The following VWF variants were observed in gnomAD, a reference collection of about 807,000 sequenced individuals.
VWF encodes Factor VIII related antigen.
Under a neutral mutation model 308.6 loss-of-function variants are expected in VWF, and 176 were observed. The observed-to-expected ratio is 0.57, with a 90% CI of 0.50 to 0.65. VWF has a LOEUF of 0.65. Ranked by LOEUF, VWF falls within the 30% of genes least tolerant of loss-of-function variation. The pLI, the probability that VWF is intolerant of heterozygous loss-of-function variation, is 0.00. For missense variants in VWF, 3,146 were observed against 3,648.2 expected (o/e 0.86, Z 3.55); for synonymous variants, 1,385 against 1,443.4 (o/e 0.96, Z 0.92).
intron 14 of VWF, among the ~76,000 whole-genome samples, chr12:6,057,546 C>T (rs992701870): frequency 2.7e-5 from 4 of 146,018 alleles, no homozygotes; most frequent in African/African-American, 1.0e-4. Context: ...AATGGGGGCT[C>T]CCTACGTTGC....
chr12:6,016,020 C>G, intron 31 of VWF, 69 bp downstream of exon 31: 1 of 1,601,282 alleles, frequency 6.2e-7, no homozygotes, highest in Non-Finnish European at 8.6e-7. Flanking sequence ...AACCCCAGCC[C>G]ACTTTTAATC....
intron 16 of VWF, among the ~76,000 whole-genome samples, chr12:6,051,959 A>G (rs1338007794): frequency 6.6e-6 from 1 of 152,214 alleles, no homozygotes; most frequent in Admixed American, 6.5e-5. Context: ...AAGACAGAAC[A>G]GGTGACAGGT....
At chr12:6,049,796 G>A (rs748248481) in intron 16 of VWF, among the ~76,000 whole-genome samples, 1 of 152,252 alleles carries the variant, frequency 6.6e-6, no homozygotes, top group African/African-American at 2.4e-5. Context: ...CAGCAGTCCT[G>A]CAGAGGAGGT....
chr12:6,012,248 G>A, intron 32 of VWF, 118 bp from the exon 33 acceptor site: 1 of 1,114,602 alleles, frequency 9.0e-7, no homozygotes, highest in East Asian at 2.3e-5. Context: ...ACTCTGAAAA[G>A]AATCTGAACA....
At chr12:6,031,419 A>G (rs887545715) in intron 21 of VWF, 25 bp downstream of exon 21, 1 of 1,614,126 alleles carries the variant, frequency 6.2e-7, no homozygotes, top group Non-Finnish European at 8.5e-7. Flanking sequence ...GCGGGACATG[A>G]GGGTGGAGAT....
chr12:5,976,014 T>TC, intron 43 of VWF, 97 bp downstream of exon 43: 1 of 1,178,424 alleles, frequency 8.5e-7, no homozygotes, highest in Non-Finnish European at 1.2e-6. Context: ...AGTCTCCATT[T>TC]CAAAAAAAAA....
intron 6 of VWF, among the ~76,000 whole-genome samples, chr12:6,087,507 C>T (rs1407152792): frequency 1.4e-5 from 2 of 146,686 alleles, no homozygotes; most frequent in Admixed American, 6.8e-5. Flanking sequence ...TACAGGCGCC[C>T]GCCACCACGC....
intron 31 of VWF, among the ~76,000 whole-genome samples, chr12:6,015,856 A>T (rs1343706088): frequency 6.6e-6 from 1 of 152,228 alleles, no homozygotes. Context: ...GGAGAAATTA[A>T]AGATTATAAT....
At chr12:6,108,137 T>C (rs1945263703) in intron 5 of VWF, among the ~76,000 whole-genome samples, 1 of 151,294 alleles carries the variant, frequency 6.6e-6, no homozygotes. Flanking sequence ...CTACTAAAAA[T>C]ACAAAAATTA....
chr12:6,078,374 T>G (rs559791151), intron 6 of VWF, among the ~76,000 whole-genome samples: 2 of 152,318 alleles, frequency 1.3e-5, no homozygotes, highest in East Asian at 3.9e-4. Context: ...CCATCCTCAC[T>G]GCCAAGTTGG....
At chr12:5,958,888 C>T (rs1280905520) in intron 47 of VWF, among the ~76,000 whole-genome samples, 1 of 152,078 alleles carries the variant, frequency 6.6e-6, no homozygotes, top group Non-Finnish European at 1.5e-5. Flanking sequence ...TTAGATAGGA[C>T]TAGAGACAGC....
intron 6 of VWF, among the ~76,000 whole-genome samples, chr12:6,091,282 TG>T (rs1366671292): frequency 1.8e-5 from 1 of 54,076 alleles, no homozygotes; most frequent in Non-Finnish European, 3.7e-5. Context: ...GTTACCGTGA[TG>T]GGGGGTGGGT....
At chr12:6,079,072 C>A (rs1011208896) in intron 6 of VWF, among the ~76,000 whole-genome samples, 4 of 152,170 alleles carry the variant, frequency 2.6e-5, no homozygotes, top group Admixed American at 6.5e-5. Context: ...TTAGCAGAAA[C>A]AAAAGATAAA....
intron 26 of VWF, 27 bp from the exon 27 acceptor site, chr12:6,022,062 C>A (rs775909484): frequency 6.2e-7 from 1 of 1,613,684 alleles, no homozygotes. Context: ...TCATTAGGAA[C>A]CAAAACGCTC....
In VWF at chr12:6,058,145, G is replaced by A. The variant is rs541362212; in HGVS notation, c.1534-101C>T. ...TTTAATAAAAAAAAAAAAGTTCCCC[G>A]GGTGAAACATAAATATGAATGTAAT... is the stretch of plus-strand genomic sequence containing the variant. On this transcript the variant is annotated intron_variant, in intron 13 of 51. Transcript: ENST00000261405. The surrounding 1 kb of genome is among the most constrained non-coding windows in gnomAD (Gnocchi z 4.9). 1.6e-6 allele frequency: 2 copies of A among 1,289,424 alleles called. No homozygotes were observed. Among genetic ancestry groups the A allele is most frequent in the Admixed American group, 2.3e-5 (1 of 42,704 alleles). 79.9% of individuals were successfully genotyped at this position (1,289,424 alleles called of 1,614,324 possible). A position where few individuals can be genotyped will look rare whatever the true frequency, so the allele number is the denominator to read the frequency against.
intron 6 of VWF, among the ~76,000 whole-genome samples, chr12:6,078,395 A>AG (rs1565855284): frequency 6.6e-6 from 1 of 152,182 alleles, no homozygotes; most frequent in Non-Finnish European, 1.5e-5. Context: ...GGCTCAGGGA[A>AG]GGAGACTGAG....
intron 47 of VWF, among the ~76,000 whole-genome samples, chr12:5,956,030 T>C (rs1943246159): frequency 6.6e-6 from 1 of 152,138 alleles, no homozygotes; most frequent in Non-Finnish European, 1.5e-5. Flanking sequence ...CAAAAAACAA[T>C]GTTTCAGTCA....
intron 6 of VWF, among the ~76,000 whole-genome samples, chr12:6,083,199 T>A (rs763910434): frequency 6.9e-6 from 1 of 145,074 alleles, no homozygotes; most frequent in Non-Finnish European, 1.5e-5. Context: ...GTATTTTTAG[T>A]AGAGATGGGG....
At chr12:5,972,611 C>T (rs888616146) in intron 43 of VWF, among the ~76,000 whole-genome samples, 3 of 152,134 alleles carry the variant, frequency 2.0e-5, no homozygotes, top group East Asian at 1.9e-4. Flanking sequence ...TCTCTCTGGA[C>T]GGTCTCAACA....
Sources: allele counts gnomAD v4.1 joint callset (sites outside exome capture counted in the v4.1 genomes callset), GRCh38; gene constraint gnomAD v4.1.1; non-coding constraint Gnocchi (gnomAD v3.1); transcripts MANE v1.5; gene names NCBI Gene and HGNC (gene_info 2026-07-23, HGNC 2026-07-21).